RBFOX1: variants seen among roughly 807,000 people sequenced by gnomAD.
RBFOX1 encodes RNA binding fox-1 homolog 1.
In RBFOX1, 8 loss-of-function variants were observed where a neutral mutation model predicts 57.7. The observed-to-expected ratio is 0.14, with a 90% CI of 0.08 to 0.25. The LOEUF is 0.25. Ranked by LOEUF, RBFOX1 falls within the 10% of genes least tolerant of loss-of-function variation. RBFOX1 has a pLI of 1.00. For synonymous variants in RBFOX1, 326 were observed against 222.4 expected (o/e 1.47, Z -4.15); for missense variants, 611 against 548.5 (o/e 1.11, Z -1.14).
chr16:7,399,138 G>C (rs1288736658), intron 4 of RBFOX1, among the ~76,000 whole-genome samples: 1 of 152,166 alleles, frequency 6.6e-6, no homozygotes, highest in Non-Finnish European at 1.5e-5. Context: ...CATGAAAGTT[G>C]AAATTATATT....
intron 4 of RBFOX1, among the ~76,000 whole-genome samples, chr16:6,009,482 G>A (rs1388955153): frequency 6.6e-6 from 1 of 152,146 alleles, no homozygotes; most frequent in African/African-American, 2.4e-5. Flanking sequence ...CAGGGACTTA[G>A]AAATGGCACT....
chr16:5,563,361 G>A (rs1268966160), intron 2 of RBFOX1, among the ~76,000 whole-genome samples: 3 of 152,190 alleles, frequency 2.0e-5, no homozygotes, highest in African/African-American at 7.2e-5. Flanking sequence ...CAAATATAAA[G>A]CGAAGGAGTC....
Position 6,836,173 on chromosome 16 carries a change from G to A in RBFOX1, c.-16+181523G>A, listed in dbSNP as rs963403942. ...AACCATTAATACGTCACCGGGTAAC[G>A]CATTATTGAATATGTTAGTCATTTT... On this transcript the variant is annotated intron_variant, in intron 3 of 15. Transcript: ENST00000550418. Among the ~76,000 whole-genome samples, 68 of 152,232 alleles carry A rather than the reference G, an allele frequency of 4.5e-4. 1 individual carries two copies. The highest frequency in any genetic ancestry group is 1.4e-3 in the African/African-American group (60 of 41,552).
rs546991084 is a variant in RBFOX1 at position 6,980,439 on chromosome 16, C to G, written c.-15-71618C>G. ...TTTCAAACACAGAAAGATATGTTTA[C>G]AAAAGCAAAAAACTTGTCTTCTTAT... is the stretch of plus-strand genomic sequence containing the variant. On this transcript the variant is annotated intron_variant, in intron 3 of 15. Coordinates refer to ENST00000550418, the MANE Select transcript of RBFOX1 (RefSeq NM_018723.4). Among the ~76,000 whole-genome samples the G allele has an allele frequency of 2.6e-5, 4 of 152,154 alleles. No homozygotes were observed. In the East Asian group the frequency reaches 7.7e-4, roughly 29 times the overall value.
At chr16:5,927,167 A>C (rs2058956200) in intron 4 of RBFOX1, among the ~76,000 whole-genome samples, 1 of 152,216 alleles carries the variant, frequency 6.6e-6, no homozygotes, top group African/African-American at 2.4e-5. Flanking sequence ...TTTTCTTAAA[A>C]TCCAATGAAA....
At chr16:5,902,783 T>A (rs1469903131) in intron 4 of RBFOX1, among the ~76,000 whole-genome samples, 1 of 152,158 alleles carries the variant, frequency 6.6e-6, no homozygotes. Context: ...TTTTTTTGAT[T>A]CCAAGCGCCT....
Position 5,984,972 on chromosome 16 carries a change from ATATATTTTT to A in RBFOX1, c.351+117639_351+117647del, listed in dbSNP as rs1333539786. On this transcript the variant is annotated intron_variant, in intron 4 of 19. Transcript: ENST00000641259. ...TATATATATATATATATATATATAT[ATATATTTTT>A]TTTTTTTTTTTTTTTCTTTGAGACA... Among the ~76,000 whole-genome samples the A allele has an allele frequency of 2.3e-4, 13 of 55,714 alleles. No homozygotes were observed. In the South Asian group the frequency reaches 3.6e-3, roughly 15 times the overall value. The allele number at this position is 55,714 out of a possible 152,430, so 36.6% of individuals were successfully genotyped here.
At chr16:6,942,745 C>G (rs745416623) in intron 3 of RBFOX1, among the ~76,000 whole-genome samples, 10 of 152,158 alleles carry the variant, frequency 6.6e-5, no homozygotes, top group Non-Finnish European at 1.2e-4. Context: ...TCTTGAGAGA[C>G]AGACTCACAA....
At chr16:5,529,721 C>G (rs905456160) in intron 2 of RBFOX1, among the ~76,000 whole-genome samples, 4 of 152,182 alleles carry the variant, frequency 2.6e-5, no homozygotes, top group Middle Eastern at 3.4e-3. Context: ...CTAGTGCCAC[C>G]ACGCCTGGCT....
intron 3 of RBFOX1, among the ~76,000 whole-genome samples, chr16:6,740,513 T>A (rs2071734429): frequency 6.6e-6 from 1 of 152,218 alleles, no homozygotes; most frequent in Non-Finnish European, 1.5e-5. Context: ...CCCACACACA[T>A]TTTGTGGACT....
Position 6,588,940 on chromosome 16 carries a change from T to A in RBFOX1, c.-63-65663T>A, listed in dbSNP as rs146648809. On this transcript the variant is annotated intron_variant, in intron 2 of 15. Coordinates refer to ENST00000550418, the MANE Select transcript of RBFOX1 (RefSeq NM_018723.4). ...ACTGACAAATTTCCCCAGGATACAC[T>A]AGTCTTGTACTTAGGAAATAACCTA... Among the ~76,000 whole-genome samples the A allele has an allele frequency of 2.4e-4, 37 of 152,280 alleles. No individual in the cohort carries two copies. In the East Asian group the frequency reaches 7.2e-3, roughly 29 times the overall value.
chr16:6,982,055 G>A (rs1389525596), intron 3 of RBFOX1, among the ~76,000 whole-genome samples: 1 of 152,150 alleles, frequency 6.6e-6, no homozygotes, highest in African/African-American at 2.4e-5. Context: ...AATTTTCGTA[G>A]TTTTTCATGA....
chr16:6,653,634 T>C (rs767726748), intron 2 of RBFOX1, among the ~76,000 whole-genome samples: 2 of 151,832 alleles, frequency 1.3e-5, no homozygotes, highest in Non-Finnish European at 2.9e-5. Context: ...GGTGGATGGA[T>C]GGATGAATGG....
At chr16:6,667,172 A>C (rs2098738215) in intron 3 of RBFOX1, among the ~76,000 whole-genome samples, 1 of 152,150 alleles carries the variant, frequency 6.6e-6, no homozygotes, top group Non-Finnish European at 1.5e-5. Context: ...TGTGGTGTTG[A>C]GTTAAATTAG....
chr16:7,374,638 C>CA (rs1324018680), intron 4 of RBFOX1, among the ~76,000 whole-genome samples: 4 of 151,946 alleles, frequency 2.6e-5, no homozygotes. Flanking sequence ...AAACTAAAAA[C>CA]AAAAAAATTA....
At chr16:7,616,384 C>G (rs192942929) in intron 10 of RBFOX1, among the ~76,000 whole-genome samples, 11 of 152,288 alleles carry the variant, frequency 7.2e-5, no homozygotes, top group Admixed American at 1.3e-4. Context: ...GCCTTAGTGT[C>G]CAGCGTTTTT....
intron 1 of RBFOX1, among the ~76,000 whole-genome samples, chr16:6,140,978 C>T (rs968141925): frequency 3.3e-5 from 5 of 152,300 alleles, no homozygotes; most frequent in Admixed American, 2.0e-4. Context: ...CTCTCTGCAG[C>T]GTCAGAGGAC....
intron 4 of RBFOX1, among the ~76,000 whole-genome samples, chr16:5,924,320 C>T (rs1412373885): frequency 1.3e-5 from 2 of 152,072 alleles, no homozygotes; most frequent in African/African-American, 4.8e-5. Context: ...ATGTTTAACC[C>T]CTCCAAACCT....
At chr16:5,988,052 G>C (rs1335316595) in intron 4 of RBFOX1, among the ~76,000 whole-genome samples, 1 of 152,140 alleles carries the variant, frequency 6.6e-6, no homozygotes, top group Non-Finnish European at 1.5e-5. Flanking sequence ...TTTGATTTTT[G>C]AGTGGCTGTC....
Sources: allele counts gnomAD v4.1 joint callset (sites outside exome capture counted in the v4.1 genomes callset), GRCh38; gene constraint gnomAD v4.1.1; transcripts MANE v1.5; gene names NCBI Gene and HGNC (gene_info 2026-07-23, HGNC 2026-07-21).